STMN1: variants seen among roughly 807,000 people sequenced by gnomAD.
STMN1 encodes stathmin 1.
STMN1 carries 3 observed loss-of-function variants against 19.7 expected under a neutral mutation model. The observed-to-expected ratio is 0.15, with a 90% confidence interval of 0.07 to 0.39. The LOEUF is 0.39. Among genes scored for constraint, STMN1 ranks in the 10% least tolerant of loss-of-function variants. The pLI is 1.00. For missense variants in STMN1, 99 were observed against 176.0 expected (o/e 0.56, Z 2.48); for synonymous variants, 59 against 58.9 (o/e 1.00, Z -0.01).
chr1:25,886,483 G>A (rs1283656231), intron 4 of STMN1, among the ~76,000 whole-genome samples: 2 of 151,718 alleles, frequency 1.3e-5, no homozygotes, highest in Non-Finnish European at 2.9e-5. Flanking sequence ...GGAGACGAGT[G>A]CACCTGCATC....
chr1:25,889,140 A>G (rs2048750658), intron 4 of STMN1: 1 of 421,396 alleles, frequency 2.4e-6, no homozygotes, highest in African/African-American at 2.1e-5. Context: ...ACACACATTT[A>G]TGCTGTCTGA....
downstream of STMN1, among the ~76,000 whole-genome samples, chr1:25,897,403 C>A (rs906708346): frequency 4.0e-5 from 6 of 151,886 alleles, no homozygotes; most frequent in African/African-American, 1.5e-4. Flanking sequence ...CAAATGAATT[C>A]GCAGTAAGGT....
At chr1:25,899,049 A>C (rs1210357457), downstream of STMN1, among the ~76,000 whole-genome samples, 1 of 152,198 alleles carries the variant, frequency 6.6e-6, no homozygotes. Context: ...CTGTGGTAAG[A>C]TGCATCCCCT....
chr1:25,899,857 A>C (rs145672492), downstream of STMN1, among the ~76,000 whole-genome samples: 3 of 152,286 alleles, frequency 2.0e-5, no homozygotes, highest in East Asian at 1.9e-4. Flanking sequence ...AGTATTAGCA[A>C]TCATCTTTTG....
At chr1:25,904,794 C>A in intron 1 of STMN1, 56 bp from the exon 2 acceptor site, 3 of 1,420,096 alleles carry the variant, frequency 2.1e-6, no homozygotes, top group Admixed American at 2.5e-5. Context: ...TATATGTCAT[C>A]AACCCAAAAA....
chr1:25,885,998 T>G, intron 4 of STMN1: 1 of 1,300,726 alleles, frequency 7.7e-7, no homozygotes, highest in African/African-American at 1.5e-5. Context: ...CATCCAGGGA[T>G]CTTTAAAAAA....
chr1:25,900,445 G>C lies in STMN1; in HGVS notation c.*571C>G, dbSNP rs542102404. On this transcript the variant is annotated 3_prime_UTR_variant, in exon 5 of 5. Coordinates refer to ENST00000455785, the MANE Select transcript of STMN1 (RefSeq NM_005563.4). ...TGGGGCAAGAAACGGGGCAGAGAAC[G>C]TGCGGTCATTTGTGCGTTGGGTATT... The C allele has an allele frequency of 2.0e-6, 2 of 985,758 alleles. No individual in the cohort carries two copies. The highest frequency in any genetic ancestry group is 1.7e-5 in the African/African-American group (1 of 57,238). 61.1% of individuals were successfully genotyped at this position (985,758 alleles called of 1,614,324 possible).
At chr1:25,886,579 CTTTTTTTTTT>C (rs34974254) in intron 4 of STMN1, among the ~76,000 whole-genome samples, 1 of 94,392 alleles carries the variant, frequency 1.1e-5, no homozygotes, top group Non-Finnish European at 2.0e-5. Flanking sequence ...ACCCCCACCA[CTTTTTTTTTT>C]TTTTTTTTTT....
At chr1:25,897,051 A>G (rs556655619), downstream of STMN1, among the ~76,000 whole-genome samples, 164 of 152,334 alleles carry the variant, frequency 1.1e-3, no homozygotes, top group Non-Finnish European at 1.7e-3. Context: ...GCGGTGGCTC[A>G]TGCCTGTAAT....
chr1:25,888,714 T>C (rs1175450130), intron 4 of STMN1, among the ~76,000 whole-genome samples: 1 of 152,136 alleles, frequency 6.6e-6, no homozygotes, highest in Non-Finnish European at 1.5e-5. Context: ...GACTGGTATG[T>C]CAGCTCAATG....
intron 4 of STMN1, among the ~76,000 whole-genome samples, chr1:25,887,955 G>A (rs2048738797): frequency 6.6e-6 from 1 of 152,204 alleles, no homozygotes; most frequent in African/African-American, 2.4e-5. Flanking sequence ...AAAGTGCTGG[G>A]ATTACAGGCG....
chr1:25,888,622 G>C (rs76717683), intron 4 of STMN1, among the ~76,000 whole-genome samples: 2,231 of 152,242 alleles, frequency 0.015, 53 homozygotes, highest in African/African-American at 0.05. Context: ...TCATTCAGCA[G>C]CAAGCAATGA....
In STMN1 at chr1:25,900,493, T is replaced by C. The variant is rs375288717; in HGVS notation, c.*523A>G. The C allele has an allele frequency of 2.8e-5, 28 of 985,756 alleles. 1 individual carries two copies. The Admixed American group carries it at 8.0e-4, about 28-fold the overall frequency. 61.1% of individuals were successfully genotyped at this position (985,756 alleles called of 1,614,324 possible). On this transcript the variant is annotated 3_prime_UTR_variant, in exon 5 of 5. Coordinates refer to ENST00000455785, the MANE Select transcript of STMN1 (RefSeq NM_005563.4). Reference sequence around the variant, plus strand: ...ATTTCTACCAGCCCCAAAGGCCCCATCTGGAACAAGTATCAACCAGGAGGG... The same window carrying C: ...ATTTCTACCAGCCCCAAAGGCCCCACCTGGAACAAGTATCAACCAGGAGGG...
downstream of STMN1, among the ~76,000 whole-genome samples, chr1:25,897,979 C>A (rs2048833814): frequency 6.6e-6 from 1 of 152,200 alleles, no homozygotes; most frequent in Non-Finnish European, 1.5e-5. Flanking sequence ...AGCAGGCCCT[C>A]CCACCTCATC....
downstream of STMN1, among the ~76,000 whole-genome samples, chr1:25,899,297 C>T (rs1404618672): frequency 1.0e-5 from 1 of 100,180 alleles, no homozygotes; most frequent in Non-Finnish European, 2.2e-5. Context: ...CCCTCAGGCC[C>T]TCTTTATATT....
At chr1:25,899,406 C>A (rs1161918407), downstream of STMN1, among the ~76,000 whole-genome samples, 1 of 152,214 alleles carries the variant, frequency 6.6e-6, no homozygotes, top group Non-Finnish European at 1.5e-5. Context: ...TGCACACAAG[C>A]CTCATCCTGT....
At chr1:25,899,979 G>T, downstream of STMN1, 1 of 620,738 alleles carries the variant, frequency 1.6e-6, no homozygotes, top group Non-Finnish European at 2.0e-6. Flanking sequence ...GGCGTTCCCT[G>T]AATTGAGAGG....
downstream of STMN1, among the ~76,000 whole-genome samples, chr1:25,897,373 A>G (rs1220064002): frequency 6.6e-6 from 1 of 152,048 alleles, no homozygotes. Context: ...TAAATGAACC[A>G]CATTTAACAG....
At chr1:25,905,036 T>G (rs930609997) in intron 1 of STMN1, 1 of 238,418 alleles carries the variant, frequency 4.2e-6, no homozygotes, top group African/African-American at 2.3e-5. Flanking sequence ...CCATAAACTC[T>G]TTAACATTTC....
Sources: allele counts gnomAD v4.1 joint callset (sites outside exome capture counted in the v4.1 genomes callset), GRCh38; gene constraint gnomAD v4.1.1; transcripts MANE v1.5; gene names NCBI Gene and HGNC (gene_info 2026-07-23, HGNC 2026-07-21).